The following WDPCP variants were observed in gnomAD, a reference collection of about 807,000 sequenced individuals.
WDPCP encodes WD repeat containing planar cell polarity effector, also known as WD repeat-containing and planar cell polarity effector protein fritz homolog.
In WDPCP, 71 loss-of-function variants were observed where a neutral mutation model predicts 93.1. The ratio of observed to expected loss-of-function variants is 0.76; its 90% CI spans 0.63 to 0.93. WDPCP has a LOEUF of 0.93. WDPCP is among the 40% of genes least tolerant of loss of function. The pLI, the probability that WDPCP is intolerant of heterozygous loss-of-function variation, is 0.00. For synonymous variants in WDPCP, 315 were observed against 315.0 expected (o/e 1.00, Z 0.00); for missense variants, 844 against 887.4 (o/e 0.95, Z 0.62).
chr2:63,745,919 T>C (rs1397862651), intron 2 of WDPCP, among the ~76,000 whole-genome samples: 1 of 152,200 alleles, frequency 6.6e-6, no homozygotes, highest in Non-Finnish European at 1.5e-5. Context: ...ACCCATGGTA[T>C]TGGCTATTTT....
chr2:63,778,971 A>G (rs777491828), intron 2 of WDPCP, among the ~76,000 whole-genome samples: 47 of 152,098 alleles, frequency 3.1e-4, no homozygotes, highest in Middle Eastern at 3.4e-3. Flanking sequence ...TGCTGCCTAG[A>G]TTTTGGCATA....
rs181127522 is a variant in WDPCP, at chr2:63,290,090, C to T, written c.1812+23158G>A. On this transcript the variant is annotated intron_variant, in intron 13 of 17. Coordinates refer to ENST00000272321, the MANE Select transcript of WDPCP (RefSeq NM_015910.7). ...TATCCATCCAGTTTGAACTTACGGT[C>T]GTTATTTATTAATATATTTGGGGTT... Among the ~76,000 whole-genome samples the T allele has an allele frequency of 7.9e-5, 12 of 151,662 alleles. No individual in the cohort carries two copies. The South Asian group carries it at 1.9e-3, about 24-fold the overall frequency.
chr2:63,736,720 T>C (rs1398173337), intron 2 of WDPCP, among the ~76,000 whole-genome samples: 1 of 152,120 alleles, frequency 6.6e-6, no homozygotes, highest in Non-Finnish European at 1.5e-5. Flanking sequence ...TCATCAGCAA[T>C]GTTGTTTGAT....
intron 1 of WDPCP, among the ~76,000 whole-genome samples, chr2:63,527,657 G>C (rs963646878): frequency 6.6e-6 from 1 of 151,974 alleles, no homozygotes; most frequent in African/African-American, 2.4e-5. Flanking sequence ...CTTCACTATT[G>C]TGAATAGTGC....
chr2:63,225,174 A>G (rs1678180864), intron 14 of WDPCP, among the ~76,000 whole-genome samples: 1 of 151,976 alleles, frequency 6.6e-6, no homozygotes, highest in Admixed American at 6.6e-5. Flanking sequence ...AGATTTGTAT[A>G]AGGAATATAT....
intron 2 of WDPCP, among the ~76,000 whole-genome samples, chr2:63,665,718 C>A (rs185588698): frequency 6.6e-6 from 1 of 152,294 alleles, no homozygotes; most frequent in Admixed American, 6.5e-5. Flanking sequence ...TTGGCAAGAA[C>A]AATTTCAGTA....
chr2:63,369,773 G>A (rs1447560630), intron 12 of WDPCP, among the ~76,000 whole-genome samples: 40 of 152,258 alleles, frequency 2.6e-4, no homozygotes, highest in Non-Finnish European at 1.2e-4. Context: ...GTGGGTATTA[G>A]GGTAGCTTCT....
intron 15 of WDPCP, among the ~76,000 whole-genome samples, chr2:63,158,112 C>T (rs373643676): frequency 2.0e-5 from 3 of 151,740 alleles, no homozygotes; most frequent in East Asian, 1.9e-4. Context: ...AATTTCTAAG[C>T]GTTTGGAGAA....
intron 6 of WDPCP, among the ~76,000 whole-genome samples, chr2:63,445,267 A>C (rs1440295109): frequency 1.3e-5 from 2 of 152,126 alleles, no homozygotes; most frequent in Non-Finnish European, 2.9e-5. Context: ...GAAAAAACAA[A>C]AGAACAAGAA....
intron 7 of WDPCP, among the ~76,000 whole-genome samples, chr2:63,439,234 C>G (rs1274974494): frequency 6.6e-6 from 1 of 152,100 alleles, no homozygotes; most frequent in East Asian, 1.9e-4. Flanking sequence ...CAATTACAGA[C>G]TGATTGAGAT....
chr2:63,467,139 G>A (rs1185249853), intron 6 of WDPCP, among the ~76,000 whole-genome samples: 1 of 152,150 alleles, frequency 6.6e-6, no homozygotes, highest in African/African-American at 2.4e-5. Flanking sequence ...TTGGATTGAA[G>A]TAGTCAAGAT....
In WDPCP at chr2:63,486,969, C is replaced by T. The variant is rs569702428; in HGVS notation, c.209-383G>A. 2.0e-5 allele frequency among the ~76,000 whole-genome samples: 3 copies of T among 152,120 alleles called. No homozygotes were observed. In the South Asian group the frequency reaches 6.2e-4, roughly 32 times the overall value. On this transcript the variant is annotated intron_variant, in intron 3 of 17. Transcript: ENST00000272321. ...AGCACACAGGCTGCTCACACAAGCC[C>T]ACTTCAACGGAGACCAAAACAGGAA...
intron 2 of WDPCP, among the ~76,000 whole-genome samples, chr2:63,720,907 C>A (rs911632150): frequency 6.6e-6 from 1 of 152,194 alleles, no homozygotes; most frequent in African/African-American, 2.4e-5. Flanking sequence ...CCAAGTTCCC[C>A]CAGTCAGAAA....
intron 1 of WDPCP, among the ~76,000 whole-genome samples, chr2:63,515,928 G>A (rs993003756): frequency 2.0e-5 from 3 of 151,684 alleles, no homozygotes; most frequent in Non-Finnish European, 4.4e-5. Flanking sequence ...GCTGAGGCAG[G>A]AGAATCGCTT....
At chr2:63,135,652 TA>T (rs1389083597) in intron 17 of WDPCP, among the ~76,000 whole-genome samples, 1 of 152,254 alleles carries the variant, frequency 6.6e-6, no homozygotes, top group Non-Finnish European at 1.5e-5. Flanking sequence ...TTCAAGTTAA[TA>T]AAATTCTCAT....
chr2:63,264,285 T>C (rs1447753077), intron 13 of WDPCP, among the ~76,000 whole-genome samples: 4 of 152,202 alleles, frequency 2.6e-5, no homozygotes, highest in South Asian at 2.1e-4. Flanking sequence ...GAAAAAGATA[T>C]TCCATTCAAA....
intron 6 of WDPCP, among the ~76,000 whole-genome samples, chr2:63,453,385 T>C (rs1698391938): frequency 6.6e-6 from 1 of 152,012 alleles, no homozygotes; most frequent in South Asian, 2.1e-4. Flanking sequence ...ATATCAAAAC[T>C]ACAATGAGAT....
intron 2 of WDPCP, among the ~76,000 whole-genome samples, chr2:63,808,466 C>T (rs939051434): frequency 2.0e-5 from 3 of 151,952 alleles, no homozygotes; most frequent in Non-Finnish European, 2.9e-5. Context: ...CTCAGCCTGC[C>T]GAATGCCTGC....
chr2:63,260,539 G>T (rs1317031561), intron 13 of WDPCP, among the ~76,000 whole-genome samples: 1 of 152,066 alleles, frequency 6.6e-6, no homozygotes, highest in Non-Finnish European at 1.5e-5. Flanking sequence ...AATATAATTG[G>T]TTAAGACTTT....
Sources: allele counts gnomAD v4.1 joint callset (sites outside exome capture counted in the v4.1 genomes callset), GRCh38; gene constraint gnomAD v4.1.1; transcripts MANE v1.5; gene names NCBI Gene and HGNC (gene_info 2026-07-23, HGNC 2026-07-21).